Variants in PLD1 observed in about 807,000 individuals in gnomAD.
The protein encoded by PLD1 is choline phosphatase 1.
A neutral mutation model predicts 137.1 loss-of-function variants in PLD1; 112 were observed. That is an observed-to-expected ratio of 0.82 (90% CI 0.70 to 0.96). PLD1 has a LOEUF of 0.96. Among genes scored for constraint, PLD1 ranks in the 40% least tolerant of loss-of-function variants. The pLI is 0.00. For missense variants in PLD1, 1,321 were observed against 1,342.0 expected (o/e 0.98, Z 0.24); for synonymous variants, 431 against 454.7 (o/e 0.95, Z 0.66).
intron 26 of PLD1, among the ~76,000 whole-genome samples, chr3:171,604,440 C>T (rs1475641010): frequency 6.6e-6 from 1 of 151,576 alleles, no homozygotes; most frequent in African/African-American, 2.4e-5. Flanking sequence ...GCGTATTTTC[C>T]CTAATTTTTT....
At chr3:171,647,290 C>T (rs1036837154) in intron 21 of PLD1, among the ~76,000 whole-genome samples, 1 of 152,010 alleles carries the variant, frequency 6.6e-6, no homozygotes, top group Non-Finnish European at 1.5e-5. Flanking sequence ...TTAAGCTGAA[C>T]AGGAATTTTT....
At chr3:171,669,031 T>C (rs1712458400) in intron 19 of PLD1, among the ~76,000 whole-genome samples, 1 of 152,250 alleles carries the variant, frequency 6.6e-6, no homozygotes, top group African/African-American at 2.4e-5. Flanking sequence ...AGGGGAAACA[T>C]CCAAGATTCT....
Position 171,643,727 on chromosome 3 carries a change from C to G in PLD1, c.2544-838G>C, listed in dbSNP as rs1560174150. Among the ~76,000 whole-genome samples the G allele has an allele frequency of 2.2e-5, 3 of 135,330 alleles. No homozygotes were observed. In the East Asian group the frequency reaches 6.2e-4, roughly 28 times the overall value. 88.8% of individuals were successfully genotyped at this position (135,330 alleles called of 152,430 possible). A position where few individuals can be genotyped will look rare whatever the true frequency, so the allele number is the denominator to read the frequency against. On this transcript the variant is annotated intron_variant, in intron 22 of 26. Transcript: ENST00000351298. ...AATTCAATTAAACATTATGTCAGAGCCTTAAATACTTGAAAAGCTTTATCA... is the reference window on the plus strand; with the variant it reads ...AATTCAATTAAACATTATGTCAGAGGCTTAAATACTTGAAAAGCTTTATCA...
At position 171,602,725 on chromosome 3, in the gene PLD1, G is replaced by A; in HGVS notation, c.*353C>T. ...TAAATGAAGATCAGAGAAGAATAAG[G>A]AGATTCAGACAACTTTTGGCAACCT... is the stretch of plus-strand genomic sequence containing the variant. On this transcript the variant is annotated 3_prime_UTR_variant, in exon 27 of 27. Coordinates refer to ENST00000351298, the MANE Select transcript of PLD1 (RefSeq NM_002662.5). The A allele has an allele frequency of 7.7e-6, 2 of 258,500 alleles. No individual in the cohort carries two copies. The highest frequency in any genetic ancestry group is 1.5e-5 in the Non-Finnish European group (2 of 133,768). 16.0% of individuals were successfully genotyped at this position (258,500 alleles called of 1,614,324 possible). A position where few individuals can be genotyped will look rare whatever the true frequency, so the allele number is the denominator to read the frequency against.
rs982875987 is a variant in PLD1 at position 171,750,633 on chromosome 3, C to G, written c.-31-12551G>C. On this transcript the variant is annotated intron_variant, in intron 1 of 26. Transcript: ENST00000351298. ...GCTGCTGTCATGTAAAGAAAAAAGA[C>G]AATTTTGAAAGCAGCCAGAGAAAAA... is the stretch of plus-strand genomic sequence containing the variant. 2.0e-5 allele frequency among the ~76,000 whole-genome samples: 3 copies of G among 151,940 alleles called. No homozygotes were observed. In the South Asian group the frequency reaches 6.2e-4, roughly 32 times the overall value.
At chr3:171,626,349 A>G (rs1734106458) in intron 23 of PLD1, among the ~76,000 whole-genome samples, 1 of 152,256 alleles carries the variant, frequency 6.6e-6, no homozygotes, top group South Asian at 2.1e-4. Flanking sequence ...ATATGGGACT[A>G]TGTGAAAAGA....
At chr3:171,673,647 A>G (rs1018444494) in intron 19 of PLD1, among the ~76,000 whole-genome samples, 1 of 152,174 alleles carries the variant, frequency 6.6e-6, no homozygotes, top group African/African-American at 2.4e-5. Flanking sequence ...CTCCAATTGC[A>G]CACGATGCAA....
chr3:171,677,503 T>C lies in PLD1; in HGVS notation c.1996+63A>G, dbSNP rs569236816. Reference sequence around the variant, plus strand: ...GCATTTAGATCATGCACATGTATACTTGCTGAGATGTTCAAAGGTAAAAGA... The same window carrying C: ...GCATTTAGATCATGCACATGTATACCTGCTGAGATGTTCAAAGGTAAAAGA... On this transcript the variant is annotated intron_variant, in intron 17 of 26. Coordinates refer to ENST00000351298, the MANE Select transcript of PLD1 (RefSeq NM_002662.5). 8 of 1,513,110 alleles carry C rather than the reference T, an allele frequency of 5.3e-6. No homozygotes were observed. The African/African-American group carries it at 5.5e-5, about 10-fold the overall frequency. The allele number at this position is 1,513,110 out of a possible 1,614,324, so 93.7% of individuals were successfully genotyped here.
rs767381727 is a variant in PLD1 at position 171,709,649 on chromosome 3, T to C, written c.972A>G (p.Glu324=). The C allele has an allele frequency of 6.2e-7, 1 of 1,614,120 alleles. No individual in the cohort carries two copies. The highest frequency in any genetic ancestry group is 1.1e-5 in the South Asian group (1 of 91,088). The change falls in exon 10 of 27, where the codon GAA becomes GAG. Residue 324 remains glutamate, a synonymous_variant. Transcript: ENST00000351298. ...RHARWWGGAI[E]EFIQKHGTNF... ...TGGTGCCATGTTTCTGGATGAATTC[T>C]TCTATAGCCCCTCCCCACCACCGAG...
At position 171,659,317 on chromosome 3, in the gene PLD1, A is replaced by C. The variant is rs769922394; in HGVS notation, c.2341-16T>G. 4.0e-6 allele frequency: 6 copies of C among 1,513,856 alleles called. No homozygotes were observed. The highest frequency in any genetic ancestry group is 1.8e-6 in the Non-Finnish European group (2 of 1,088,500). 93.8% of individuals were successfully genotyped at this position (1,513,856 alleles called of 1,614,324 possible). On this transcript the variant is annotated splice_polypyrimidine_tract_variant and intron_variant, in intron 20 of 26. Coordinates refer to ENST00000351298, the MANE Select transcript of PLD1 (RefSeq NM_002662.5). The stretch of plus-strand genomic sequence containing the variant: ...AAAACTGGTTCTATGAGAAATAAAC[A>C]AGACAATCATGTTAGTCTTTATTTT...
intron 6 of PLD1, among the ~76,000 whole-genome samples, chr3:171,727,489 T>C (rs1718612290): frequency 6.6e-6 from 1 of 152,194 alleles, no homozygotes; most frequent in South Asian, 2.1e-4. Flanking sequence ...CAGATCGTTT[T>C]GAAAAGTGAC....
At chr3:171,642,816 A>G in intron 23 of PLD1, 24 bp downstream of exon 23, 1 of 1,398,198 alleles carries the variant, frequency 7.2e-7, no homozygotes, top group East Asian at 2.3e-5. Context: ...AAACAATGAT[A>G]TGAGAAAAAA....
chr3:171,777,441 A>C (rs1722628863), intron 1 of PLD1, among the ~76,000 whole-genome samples: 1 of 152,134 alleles, frequency 6.6e-6, no homozygotes, highest in African/African-American at 2.4e-5. Flanking sequence ...TTGATGATTT[A>C]CCTTCTTTCC....
chr3:171,778,590 C>T (rs1229761257), intron 1 of PLD1, among the ~76,000 whole-genome samples: 9 of 152,094 alleles, frequency 5.9e-5, no homozygotes, highest in African/African-American at 1.9e-4. Flanking sequence ...GTGACAGGCT[C>T]TGTAATCATC....
At chr3:171,732,200 G>A (rs147406637) in intron 6 of PLD1, among the ~76,000 whole-genome samples, 68 of 152,284 alleles carry the variant, frequency 4.5e-4, no homozygotes, top group African/African-American at 1.6e-3. Flanking sequence ...ATTAACAATA[G>A]TAGTAGTATC....
chr3:171,772,636 A>T (rs1260854697), intron 1 of PLD1, among the ~76,000 whole-genome samples: 10 of 152,180 alleles, frequency 6.6e-5, no homozygotes, highest in African/African-American at 2.4e-4. Flanking sequence ...AAAAGGAGCT[A>T]GTACCCCACC....
chr3:171,698,106 CAT>C (rs1451163770), intron 12 of PLD1, among the ~76,000 whole-genome samples: 1 of 152,114 alleles, frequency 6.6e-6, no homozygotes, highest in Non-Finnish European at 1.5e-5. Context: ...TTGAGAGAAA[CAT>C]AGAGAAAGTT....
At chr3:171,651,089 A>G (rs1371954172) in intron 21 of PLD1, among the ~76,000 whole-genome samples, 3 of 152,108 alleles carry the variant, frequency 2.0e-5, no homozygotes, top group Non-Finnish European at 2.9e-5. Flanking sequence ...AGCATGAAGG[A>G]CAGTTAGGAG....
Position 171,691,542 on chromosome 3 carries a change from A to G in PLD1, c.1338+790T>C, listed in dbSNP as rs78333379. Among the ~76,000 whole-genome samples the G allele has an allele frequency of 4.4e-3, 667 of 152,270 alleles. 2 individuals carry two copies. Among genetic ancestry groups the G allele is most frequent in the African/African-American group, 0.015 (643 of 41,548 alleles). ...TTAAAGTTGTAACATTCTAATTTGT[A>G]TTTATACCAGTTTAACTTCAGTAAC... On this transcript the variant is annotated intron_variant, in intron 13 of 26. Coordinates refer to ENST00000351298, the MANE Select transcript of PLD1 (RefSeq NM_002662.5).
Sources: gnomAD v4.1 joint callset for allele counts (sites outside exome capture counted in the v4.1 genomes callset) on GRCh38, gnomAD v4.1.1 for gene constraint, MANE v1.5 for transcripts, NCBI Gene and HGNC (gene_info 2026-07-23, HGNC 2026-07-21) for gene names.